Variants in CLTCL1 observed in about 807,000 individuals in gnomAD.
CLTCL1 encodes clathrin heavy chain 2.
Under a neutral mutation model 190.0 loss-of-function variants are expected in CLTCL1, and 159 were observed. That is an observed-to-expected ratio of 0.84 (90% CI 0.74 to 0.95). CLTCL1 has a LOEUF of 0.95. CLTCL1 is among the 40% of genes least tolerant of loss of function. The probability of loss-of-function intolerance (pLI) is 0.00; values close to 1 mark genes in which losing one functional copy is unlikely to be tolerated. For synonymous variants in CLTCL1, 752 were observed against 769.6 expected, an observed-to-expected ratio of 0.98 and a Z score of 0.38; for missense variants, 1,878 against 2,033.4, an observed-to-expected ratio of 0.92 and a Z score of 1.47.
At chr22:19,218,436 A>C (rs1209382907) in intron 18 of CLTCL1, among the ~76,000 whole-genome samples, 2 of 152,260 alleles carry the variant, frequency 1.3e-5, no homozygotes, top group African/African-American at 4.8e-5. Context: ...TTTCAAAATA[A>C]AAAGTTTATT....
At chr22:19,194,401 G>C (rs1029456853) in intron 26 of CLTCL1, among the ~76,000 whole-genome samples, 3 of 152,186 alleles carry the variant, frequency 2.0e-5, no homozygotes, top group Non-Finnish European at 4.4e-5. Context: ...AGAATCGCTC[G>C]AGGCTGGGAG....
chr22:19,251,080 A>T (rs1175601697), intron 3 of CLTCL1, among the ~76,000 whole-genome samples: 4 of 152,134 alleles, frequency 2.6e-5, no homozygotes, highest in African/African-American at 4.8e-5. Context: ...TTCCATCCTA[A>T]AAGTATTAAA....
intron 2 of CLTCL1, chr22:19,258,909 C>A: frequency 7.3e-6 from 3 of 412,844 alleles, no homozygotes; most frequent in Non-Finnish European, 1.3e-5. Flanking sequence ...TTAGAGAAAA[C>A]ATAGGGGAAA....
intron 1 of CLTCL1, among the ~76,000 whole-genome samples, chr22:19,284,045 C>T (rs1172385927): frequency 6.7e-6 from 1 of 150,202 alleles, no homozygotes; most frequent in Non-Finnish European, 1.5e-5. Context: ...AAAGAAATTA[C>T]TCATCTGATA....
chr22:19,223,670 C>T (rs566038574), intron 14 of CLTCL1, among the ~76,000 whole-genome samples: 3 of 152,282 alleles, frequency 2.0e-5, no homozygotes, highest in African/African-American at 7.2e-5. Flanking sequence ...GCAATAAGTG[C>T]CAGATACTTA....
At chr22:19,235,897 G>A (rs781911634) in intron 5 of CLTCL1, 28 bp from the exon 6 acceptor site, 1 of 1,592,146 alleles carries the variant, frequency 6.3e-7, no homozygotes, top group South Asian at 1.1e-5. Flanking sequence ...GCAAGAGGTT[G>A]GAAAGTAAGG....
chr22:19,221,848 C>T (rs1308670126), intron 16 of CLTCL1, 103 bp downstream of exon 16: 5 of 1,318,014 alleles, frequency 3.8e-6, no homozygotes, highest in Non-Finnish European at 3.2e-6. Context: ...AAGATGTGTA[C>T]ATGAACGACC....
chr22:19,225,641 C>A lies in CLTCL1; in HGVS notation c.1948-8G>T. On this transcript the variant is annotated splice_region_variant and splice_polypyrimidine_tract_variant and intron_variant, in intron 12 of 32. Transcript: ENST00000427926. ...AAAGAAATTGACAAGCCACTGGGAA[C>A]AAGGAAGAGTCTGTCCACAACGATG... is the stretch of plus-strand genomic sequence containing the variant. The A allele has an allele frequency of 6.4e-7, 1 of 1,565,412 alleles. No individual in the cohort carries two copies.
rs782127093 is a variant in CLTCL1 at position 19,188,019 on chromosome 22, C to G, written c.4396G>C (p.Ala1466Pro). ...TCCTCTGTCAGCAGGTGGTTGAGTG[C>G]CTCATTCACACTCTTGTTGTTGTGG... ...QSHNNKSVNE[A>P]LNHLLTEEED... is the part of the protein sequence containing the mutation. The change falls in exon 28 of 33, where the codon GCA (alanine) becomes CCA (proline). Residue 1466 changes from alanine to proline, a missense_variant. Transcript: ENST00000427926. The G allele has an allele frequency of 6.2e-7, 1 of 1,613,886 alleles. No homozygotes were observed. The highest frequency in any genetic ancestry group is 8.5e-7 in the Non-Finnish European group (1 of 1,179,898).
At chr22:19,280,818 CAAAA>C (rs35797654) in intron 1 of CLTCL1, among the ~76,000 whole-genome samples, 5 of 59,424 alleles carry the variant, frequency 8.4e-5, no homozygotes, top group Admixed American at 1.9e-4. Flanking sequence ...GACTCCATCT[CAAAA>C]AAAAAAAAAA....
chr22:19,187,994 T>G lies in CLTCL1; in HGVS notation c.4421A>C (p.Glu1474Ala). 1 of 1,613,908 alleles carries G rather than the reference T, an allele frequency of 6.2e-7. No homozygotes were observed. Among genetic ancestry groups the G allele is most frequent in the African/African-American group, 1.3e-5 (1 of 75,054 alleles). The change falls in exon 28 of 33, where the codon GAG becomes GCG. Residue 1474 changes from glutamate to alanine, a missense_variant. By Grantham distance (107) the Glu-to-Ala change is moderately radical. Transcript: ENST00000427926. Reference sequence around the variant, plus strand: ...CTGCACACCCACCTGATAGTCCTCCTCCTCTGTCAGCAGGTGGTTGAGTGC... The same window carrying G: ...CTGCACACCCACCTGATAGTCCTCCGCCTCTGTCAGCAGGTGGTTGAGTGC... The part of the protein sequence containing the change: ...NEALNHLLTE[E>A]EDYQGLRASI...
intron 15 of CLTCL1, 132 bp from the exon 16 acceptor site, chr22:19,222,225 A>C: frequency 3.5e-6 from 3 of 851,080 alleles, no homozygotes; most frequent in Non-Finnish European, 5.6e-6. Context: ...TCCCACCAAA[A>C]TTCACCTGCT....
At chr22:19,284,155 T>C (rs2087820895) in intron 1 of CLTCL1, among the ~76,000 whole-genome samples, 1 of 152,202 alleles carries the variant, frequency 6.6e-6, no homozygotes. Context: ...ATCAACTGCC[T>C]ACATCAGTGA....
intron 3 of CLTCL1, among the ~76,000 whole-genome samples, chr22:19,251,403 T>C (rs557460518): frequency 6.6e-6 from 1 of 152,352 alleles, no homozygotes; most frequent in Non-Finnish European, 1.5e-5. Context: ...TACAAGCTTA[T>C]GTCATCTGCA....
intron 19 of CLTCL1, among the ~76,000 whole-genome samples, chr22:19,214,870 G>C (rs1297150826): frequency 6.6e-6 from 1 of 152,114 alleles, no homozygotes; most frequent in Non-Finnish European, 1.5e-5. Flanking sequence ...AGTAGAGACA[G>C]GGTTTCACCC....
chr22:19,245,785 CT>C (rs1419069911), intron 3 of CLTCL1, among the ~76,000 whole-genome samples: 1 of 152,126 alleles, frequency 6.6e-6, no homozygotes, highest in Non-Finnish European at 1.5e-5. Flanking sequence ...TTGTGCCTCA[CT>C]TTTTTCATTT....
At position 19,233,265 on chromosome 22, in the gene CLTCL1, G is replaced by A. The variant is rs1255170444; in HGVS notation, c.1422C>T (p.Leu474=). Residue 474 remains leucine, a synonymous_variant, in exon 9 of 33, where the codon CTC becomes CTT. Coordinates refer to ENST00000427926, the MANE Select transcript of CLTCL1 (RefSeq NM_007098.4). Reference sequence around the variant, plus strand: ...TTGCCCGAAGGTACACACTCAGAGCGAGCATGGGGTCAGTGGTTTTGACCA... The same window carrying A: ...TTGCCCGAAGGTACACACTCAGAGCAAGCATGGGGTCAGTGGTTTTGACCA... ...GDLVKTTDPM[L]ALSVYLRANV... 1.4e-5 allele frequency: 22 copies of A among 1,613,836 alleles called. No individual in the cohort carries two copies. Among genetic ancestry groups the A allele is most frequent in the South Asian group, 7.7e-5 (7 of 91,086 alleles).
chr22:19,190,870 C>CG (rs1242165241), intron 27 of CLTCL1, among the ~76,000 whole-genome samples: 2 of 151,830 alleles, frequency 1.3e-5, no homozygotes, highest in Non-Finnish European at 2.9e-5. Flanking sequence ...CTGTGCCTCC[C>CG]GGGTTCACGC....
chr22:19,275,109 C>T (rs1188572754), intron 2 of CLTCL1, among the ~76,000 whole-genome samples: 2 of 152,072 alleles, frequency 1.3e-5, no homozygotes, highest in Non-Finnish European at 2.9e-5. Context: ...CTTTTATTTG[C>T]CAAATGAAGG....
Sources: gnomAD v4.1 joint callset for allele counts (sites outside exome capture counted in the v4.1 genomes callset) on GRCh38, gnomAD v4.1.1 for gene constraint, MANE v1.5 for transcripts, NCBI Gene and HGNC (gene_info 2026-07-23, HGNC 2026-07-21) for gene names.